Variants in LDLRAD4 observed in about 807,000 individuals in gnomAD.
LDLRAD4 encodes low-density lipoprotein receptor class A domain-containing protein 4.
Under a neutral mutation model 17.0 loss-of-function variants are expected in LDLRAD4, and 5 were observed. The observed-to-expected ratio is 0.29, with a 90% CI of 0.15 to 0.62. The LOEUF is 0.62. Ranked by LOEUF, LDLRAD4 falls within the 20% of genes least tolerant of loss-of-function variation. The pLI is 0.84. For missense variants in LDLRAD4, 340 were observed against 424.7 expected (o/e 0.80, Z 1.75); for synonymous variants, 168 against 171.8 (o/e 0.98, Z 0.17).
chr18:13,275,057 C>T (rs1281007008), upstream of LDLRAD4, among the ~76,000 whole-genome samples: 6 of 151,742 alleles, frequency 4.0e-5, no homozygotes, highest in Admixed American at 6.6e-5. Flanking sequence ...AAAAAAAATC[C>T]AGAAGAAATT....
chr18:13,635,931 C>CTGTG (rs60695092), intron 4 of LDLRAD4, among the ~76,000 whole-genome samples: 10,396 of 147,358 alleles, frequency 0.071, 913 homozygotes, highest in African/African-American at 0.21. Flanking sequence ...GACAGCTATG[C>CTGTG]TGTGTGTGTG....
At chr18:13,612,574 T>C in intron 3 of LDLRAD4, 1 of 1,459,628 alleles carries the variant, frequency 6.9e-7, no homozygotes. Flanking sequence ...TCACACACTC[T>C]CCCACACCCC....
intron 2 of LDLRAD4, among the ~76,000 whole-genome samples, chr18:13,428,004 T>C (rs1259926784): frequency 3.9e-5 from 6 of 152,202 alleles, no homozygotes; most frequent in Non-Finnish European, 2.9e-5. Flanking sequence ...ATTGATTGAT[T>C]GCTTACAGTA....
intron 1 of LDLRAD4, among the ~76,000 whole-genome samples, chr18:13,304,580 C>T (rs1050477258): frequency 2.0e-5 from 3 of 152,152 alleles, no homozygotes; most frequent in African/African-American, 4.8e-5. Context: ...TTTCAGACTC[C>T]CCTGAGGAAT....
At chr18:13,229,580 T>G (rs985292619) in intron 1 of LDLRAD4, among the ~76,000 whole-genome samples, 6 of 152,122 alleles carry the variant, frequency 3.9e-5, no homozygotes, top group African/African-American at 1.4e-4. Flanking sequence ...GTGGAAGCAA[T>G]TAGCAAGTGA....
At chr18:13,340,496 A>C (rs894457190) in intron 1 of LDLRAD4, among the ~76,000 whole-genome samples, 3 of 152,024 alleles carry the variant, frequency 2.0e-5, no homozygotes, top group Non-Finnish European at 4.4e-5. Flanking sequence ...TGTGATGTTG[A>C]GCACCTTTTC....
chr18:13,219,683 T>C (rs1317180237), intron 1 of LDLRAD4, among the ~76,000 whole-genome samples: 1 of 151,956 alleles, frequency 6.6e-6, no homozygotes, highest in East Asian at 1.9e-4. Context: ...GGTAAGGAGG[T>C]TGGTGCCTTC....
At chr18:13,597,984 G>A (rs866098669) in intron 3 of LDLRAD4, among the ~76,000 whole-genome samples, 1 of 152,100 alleles carries the variant, frequency 6.6e-6, no homozygotes, top group Admixed American at 6.6e-5. Context: ...TACTTGTAAT[G>A]GCTATTGTGA....
At chr18:13,326,600 A>C (rs1362928821) in intron 1 of LDLRAD4, among the ~76,000 whole-genome samples, 1 of 152,186 alleles carries the variant, frequency 6.6e-6, no homozygotes, top group East Asian at 1.9e-4. Context: ...CAAAGAATTT[A>C]CTTAGGAATG....
chr18:13,513,157 C>T (rs1297375541), intron 3 of LDLRAD4, among the ~76,000 whole-genome samples: 1 of 152,200 alleles, frequency 6.6e-6, no homozygotes, highest in African/African-American at 2.4e-5. Flanking sequence ...CCCTACATTG[C>T]AGTTTGCTTT....
At chr18:13,601,351 G>A (rs1285706811) in intron 3 of LDLRAD4, among the ~76,000 whole-genome samples, 2 of 152,166 alleles carry the variant, frequency 1.3e-5, no homozygotes, top group East Asian at 1.9e-4. Flanking sequence ...AGACTTACAA[G>A]TGACCAACAA....
chr18:13,478,028 A>G (rs1208809563), intron 3 of LDLRAD4, among the ~76,000 whole-genome samples: 1 of 152,046 alleles, frequency 6.6e-6, no homozygotes, highest in African/African-American at 2.4e-5. Context: ...CCTGCTTCGG[A>G]CCTACTTCTG....
intron 3 of LDLRAD4, among the ~76,000 whole-genome samples, chr18:13,501,925 G>T (rs753737044): frequency 6.6e-6 from 1 of 152,212 alleles, no homozygotes; most frequent in Non-Finnish European, 1.5e-5. Context: ...TTCAACCTAA[G>T]AAAACATCAC....
intron 3 of LDLRAD4, among the ~76,000 whole-genome samples, chr18:13,548,971 C>A (rs1225161089): frequency 6.6e-6 from 1 of 152,240 alleles, no homozygotes; most frequent in African/African-American, 2.4e-5. Context: ...TTAATTATTT[C>A]ATGAGTCCTA....
intron 3 of LDLRAD4, among the ~76,000 whole-genome samples, chr18:13,544,330 C>T (rs543107378): frequency 1.8e-4 from 27 of 152,222 alleles, no homozygotes; most frequent in Non-Finnish European, 2.2e-4. Context: ...ATAAACAAAC[C>T]TTCTTTGACA....
intron 3 of LDLRAD4, among the ~76,000 whole-genome samples, chr18:13,563,882 A>T (rs1489842940): frequency 6.6e-6 from 1 of 151,972 alleles, no homozygotes; most frequent in Admixed American, 6.6e-5. Flanking sequence ...TTTTCTTTTT[A>T]AAAAATTATT....
In LDLRAD4 at chr18:13,588,661, G is replaced by A. The variant is rs577253563; in HGVS notation, c.182-32456G>A. Among the ~76,000 whole-genome samples, 3 of 151,962 alleles carry A rather than the reference G, an allele frequency of 2.0e-5. No individual in the cohort carries two copies. In the South Asian group the frequency reaches 6.2e-4, roughly 32 times the overall value. On this transcript the variant is annotated intron_variant, in intron 3 of 5. Coordinates refer to ENST00000359446, the Ensembl canonical transcript of LDLRAD4. ...CCTCTGCTACTCGCCGGGTGTTTTTGTACGCAGCTTCCATTTCTGAAAACA... is the reference window on the plus strand; with the variant it reads ...CCTCTGCTACTCGCCGGGTGTTTTTATACGCAGCTTCCATTTCTGAAAACA...
chr18:13,493,170 A>G (rs1201079051), intron 3 of LDLRAD4, among the ~76,000 whole-genome samples: 4 of 152,214 alleles, frequency 2.6e-5, no homozygotes, highest in African/African-American at 7.2e-5. Flanking sequence ...ACACCTTGAC[A>G]TATTGCCTAC....
upstream of LDLRAD4, among the ~76,000 whole-genome samples, chr18:13,277,392 C>T (rs567269652): frequency 2.9e-3 from 445 of 152,320 alleles, 2 homozygotes; most frequent in Non-Finnish European, 3.6e-3. Flanking sequence ...GGCGGTCACC[C>T]GAGGATACCC....
Sources: gnomAD v4.1 joint callset for allele counts (sites outside exome capture counted in the v4.1 genomes callset) on GRCh38, gnomAD v4.1.1 for gene constraint, MANE v1.5 for transcripts, NCBI Gene and HGNC (gene_info 2026-07-23, HGNC 2026-07-21) for gene names.